Variants in EPHB3 observed in about 807,000 individuals in gnomAD.
EPHB3 encodes the protein ephrin type-B receptor 3.
EPHB3 carries 33 observed loss-of-function variants against 100.2 expected under a neutral mutation model. That is an observed-to-expected ratio of 0.33 (90% CI 0.25 to 0.44). The LOEUF (loss-of-function observed/expected upper bound fraction) is 0.44, where lower values mean the gene tolerates loss of function less well. EPHB3 is among the 20% of genes least tolerant of loss of function. The probability of loss-of-function intolerance (pLI) is 1.00; values close to 1 mark genes in which losing one functional copy is unlikely to be tolerated. For missense variants in EPHB3, 1,045 were observed against 1,378.3 expected (o/e 0.76, Z 3.83); for synonymous variants, 526 against 554.7 (o/e 0.95, Z 0.73).
Position 184,577,705 on chromosome 3 carries a change from G to C in EPHB3, c.1527G>C (p.Gln509His). The C allele has an allele frequency of 6.2e-7, 1 of 1,610,704 alleles. No individual in the cohort carries two copies. Among genetic ancestry groups the C allele is most frequent in the Non-Finnish European group, 8.5e-7 (1 of 1,177,946 alleles). Residue 509 changes from glutamine to histidine, a missense_variant, in exon 7 of 16, where the codon CAG becomes CAC. By Grantham distance (24) the Gln-to-His change is conservative. Around this residue, in one of 2 missense-constraint regions of EPHB3, gnomAD observed 985 missense variants for 1,331.1 expected, o/e 0.74. Coordinates refer to ENST00000330394, the MANE Select transcript of EPHB3 (RefSeq NM_004443.4). This position sits in a 1 kb window ranked among gnomAD's most constrained non-coding sequence, Gnocchi z 4.9. ...STVTSQMNSV[Q>H]LDGLRPDARY... ...TGACCAGCCAGATGAACTCCGTGCAGCTGGACGGGCTTCGGCCTGACGCCC... is the reference window on the plus strand; with the variant it reads ...TGACCAGCCAGATGAACTCCGTGCACCTGGACGGGCTTCGGCCTGACGCCC...
rs753327984 is a variant in EPHB3, at chr3:184,579,920, G to C, written c.2158G>C (p.Asp720His). The C allele has an allele frequency of 6.2e-7, 1 of 1,613,508 alleles. No homozygotes were observed. The highest frequency in any genetic ancestry group is 8.5e-7 in the Non-Finnish European group (1 of 1,179,860). The change falls in exon 11 of 16, where the codon GAC (aspartate) becomes CAC (histidine). Residue 720 changes from aspartate (D) to histidine (H), a missense_variant. Transcript: ENST00000330394. This position sits in a 1 kb window ranked among gnomAD's most constrained non-coding sequence, Gnocchi z 5.2. ...LTEFMENCAL[D>H]SFLRLNDGQF... ...TGAGTTCATGGAAAACTGCGCCCTG[G>C]ACTCCTTCCTCCGGGTAAGAGCCAG...
rs1288000192 is a variant in EPHB3, at chr3:184,563,991, T to G, written c.118+1638T>G. Among the ~76,000 whole-genome samples the G allele has an allele frequency of 6.6e-6, 1 of 152,158 alleles. No individual in the cohort carries two copies. The highest frequency in any genetic ancestry group is 1.5e-5 in the Non-Finnish European group (1 of 68,016). On this transcript the variant is annotated intron_variant, in intron 1 of 15. Coordinates refer to ENST00000330394, the MANE Select transcript of EPHB3 (RefSeq NM_004443.4). The surrounding 1 kb of genome is among the most constrained non-coding windows in gnomAD (Gnocchi z 4.1). Reference sequence around the variant, plus strand: ...ACAGGGGCTACCTGAGGAGGCTCACTTCTCCCTCCCCCCTTCCCTTCCTTT... The same window carrying G: ...ACAGGGGCTACCTGAGGAGGCTCACGTCTCCCTCCCCCCTTCCCTTCCTTT...
intron 1 of EPHB3, among the ~76,000 whole-genome samples, chr3:184,567,777 G>C (rs1714423728): frequency 6.6e-6 from 1 of 152,194 alleles, no homozygotes; most frequent in Non-Finnish European, 1.5e-5. Context: ...GGTGTGTAAG[G>C]AGAACATACT....
In EPHB3 at chr3:184,579,792, G is replaced by A. The variant is rs1389769224; in HGVS notation, c.2030G>A (p.Arg677Gln). 6.8e-6 allele frequency: 11 copies of A among 1,613,694 alleles called. No homozygotes were observed. The highest frequency in any genetic ancestry group is 1.7e-5 in the Admixed American group (1 of 59,968). ...GTGGGCTACACCGAGAGGCAGCGGC[G>A]GGACTTCCTAAGCGAGGCCTCCATC... ...LKVGYTERQR[R>Q]DFLSEASIMG... The change falls in exon 11 of 16, where the codon CGG becomes CAG. Residue 677 changes from arginine (R) to glutamine (Q), a missense_variant. Transcript: ENST00000330394. The surrounding 1 kb of genome is among the most constrained non-coding windows in gnomAD (Gnocchi z 5.2).
At position 184,572,443 on chromosome 3, in the gene EPHB3, C is replaced by T. The variant is rs1714563151; in HGVS notation, c.184-61C>T. 8.6e-6 allele frequency: 13 copies of T among 1,505,868 alleles called. No homozygotes were observed. The highest frequency in any genetic ancestry group is 5.5e-5 in the South Asian group (4 of 72,668). 93.3% of individuals were successfully genotyped at this position (1,505,868 alleles called of 1,614,324 possible). A position where few individuals can be genotyped will look rare whatever the true frequency, so the allele number is the denominator to read the frequency against. The stretch of plus-strand genomic sequence containing the variant: ...GAAGTAAATAGAGCAGATCTGGGCA[C>T]GAGGGAAGCACTTGGCAAATGCAGG... On this transcript the variant is annotated intron_variant, in intron 2 of 15. Coordinates refer to ENST00000330394, the MANE Select transcript of EPHB3 (RefSeq NM_004443.4). This position sits in a 1 kb window ranked among gnomAD's most constrained non-coding sequence, Gnocchi z 6.6.
Position 184,579,858 on chromosome 3 carries a change from G to T in EPHB3, c.2096G>T (p.Gly699Val). The stretch of plus-strand genomic sequence containing the variant: ...CACCCCAATATAATCCGGCTCGAGG[G>T]CGTGGTCACCAAAAGTCGGCCAGTT... ...FDHPNIIRLE[G>V]VVTKSRPVMI... Residue 699 changes from glycine (G) to valine (V), a missense_variant, in exon 11 of 16, where the codon GGC (glycine) becomes GTC (valine). Physicochemically the swap from Gly to Val is moderately radical, Grantham distance 109. This residue lies in a region of EPHB3 where 985 missense variants were observed against 1,331.1 expected (regional missense o/e 0.74). Coordinates refer to ENST00000330394, the MANE Select transcript of EPHB3 (RefSeq NM_004443.4). This position sits in a 1 kb window ranked among gnomAD's most constrained non-coding sequence, Gnocchi z 5.2. 1 of 1,613,828 alleles carries T rather than the reference G, an allele frequency of 6.2e-7. No individual in the cohort carries two copies. Among genetic ancestry groups the T allele is most frequent in the Non-Finnish European group, 8.5e-7 (1 of 1,179,990 alleles).
chr3:184,569,698 C>CG lies in EPHB3; in HGVS notation c.119-1614dup, dbSNP rs1471241311. On this transcript the variant is annotated intron_variant, in intron 1 of 15. Coordinates refer to ENST00000330394, the MANE Select transcript of EPHB3 (RefSeq NM_004443.4). The surrounding 1 kb of genome is among the most constrained non-coding windows in gnomAD (Gnocchi z 5.4). ...CCTGCAGCCCCTTTGCCTGACATGGCGGGGGGCTGGGGTCACAGCTGCCTT... is the reference window on the plus strand; with the variant it reads ...CCTGCAGCCCCTTTGCCTGACATGGCGGGGGGGCTGGGGTCACAGCTGCCTT... 1.3e-5 allele frequency among the ~76,000 whole-genome samples: 2 copies of CG among 152,230 alleles called. No homozygotes were observed. Among genetic ancestry groups the CG allele is most frequent in the South Asian group, 2.1e-4 (1 of 4,836 alleles).
rs67295730 is a variant in EPHB3, at chr3:184,573,716, C to CTTT, written c.856+556_856+558dup. ...CACTTACGTGACCTTGGGCAAGTTACTTTTTTTTTTTTTTTTTTGAGATGG... is the reference window on the plus strand; with the variant it reads ...CACTTACGTGACCTTGGGCAAGTTACTTTTTTTTTTTTTTTTTTTTTGAGATGG... On this transcript the variant is annotated intron_variant, in intron 3 of 15. Transcript: ENST00000330394. The surrounding 1 kb of genome is among the most constrained non-coding windows in gnomAD (Gnocchi z 4.5). Among the ~76,000 whole-genome samples the CTTT allele has an allele frequency of 7.2e-6, 1 of 138,576 alleles. No individual in the cohort carries two copies. 90.9% of individuals were successfully genotyped at this position (138,576 alleles called of 152,430 possible).
Position 184,578,259 on chromosome 3 carries a change from A to G in EPHB3, c.1749-155A>G. The G allele has an allele frequency of 8.8e-7, 1 of 1,137,570 alleles. No individual in the cohort carries two copies. The highest frequency in any genetic ancestry group is 1.3e-6 in the Non-Finnish European group (1 of 793,286). 70.5% of individuals were successfully genotyped at this position (1,137,570 alleles called of 1,614,324 possible). A position where few individuals can be genotyped will look rare whatever the true frequency, so the allele number is the denominator to read the frequency against. On this transcript the variant is annotated intron_variant, in intron 8 of 15. Coordinates refer to ENST00000330394, the MANE Select transcript of EPHB3 (RefSeq NM_004443.4). This position sits in a 1 kb window ranked among gnomAD's most constrained non-coding sequence, Gnocchi z 4.7. Reference sequence around the variant, plus strand: ...ACTGAGTCCACTGAACCCCTTGCTCAGACACCCAGAGACTGCTGTGACCAC... The same window carrying G: ...ACTGAGTCCACTGAACCCCTTGCTCGGACACCCAGAGACTGCTGTGACCAC...
chr3:184,564,652 AG>A (rs1054973734), intron 1 of EPHB3, among the ~76,000 whole-genome samples: 1 of 151,976 alleles, frequency 6.6e-6, no homozygotes, highest in African/African-American at 2.4e-5. Flanking sequence ...GAAAGATGAA[AG>A]GGAAGGTTGG....
rs1422211778 is a variant in EPHB3 at position 184,562,392 on chromosome 3, CT to C, written c.118+40del. On this transcript the variant is annotated intron_variant, in intron 1 of 15. Coordinates refer to ENST00000330394, the MANE Select transcript of EPHB3 (RefSeq NM_004443.4). The surrounding 1 kb of genome is among the most constrained non-coding windows in gnomAD (Gnocchi z 4.8). ...GGGGGCGCGCCCGGGAACAAGGTGC[CT>C]GGGGTCGCGGGGCTGCGGGCTAGCA... 8.3e-7 allele frequency: 1 copy of C among 1,199,490 alleles called. No individual in the cohort carries two copies. Among genetic ancestry groups the C allele is most frequent in the African/African-American group, 1.6e-5 (1 of 62,772 alleles). The allele number at this position is 1,199,490 out of a possible 1,614,324, so 74.3% of individuals were successfully genotyped here. A position where few individuals can be genotyped will look rare whatever the true frequency, so the allele number is the denominator to read the frequency against.
chr3:184,578,086 G>A lies in EPHB3; in HGVS notation c.1748+80G>A, dbSNP rs1414817768. On this transcript the variant is annotated intron_variant, in intron 8 of 15. Coordinates refer to ENST00000330394, the MANE Select transcript of EPHB3 (RefSeq NM_004443.4). The surrounding 1 kb of genome is among the most constrained non-coding windows in gnomAD (Gnocchi z 4.7). ...CCTAGAGCCCTCATGCCACAGAGAT[G>A]AGCCGCCACCACTTCCCTCAGACCC... The A allele has an allele frequency of 6.8e-7, 1 of 1,469,104 alleles. No individual in the cohort carries two copies. The highest frequency in any genetic ancestry group is 1.4e-5 in the African/African-American group (1 of 71,440). The allele number at this position is 1,469,104 out of a possible 1,614,324, so 91.0% of individuals were successfully genotyped here.
Position 184,571,177 on chromosome 3 carries a change from C to G in EPHB3, c.119-141C>G. The G allele has an allele frequency of 2.8e-6, 2 of 718,834 alleles. No individual in the cohort carries two copies. Among genetic ancestry groups the G allele is most frequent in the Non-Finnish European group, 4.9e-6 (2 of 410,126 alleles). 44.5% of individuals were successfully genotyped at this position (718,834 alleles called of 1,614,324 possible). On this transcript the variant is annotated intron_variant, in intron 1 of 15. Transcript: ENST00000330394. This position sits in a 1 kb window ranked among gnomAD's most constrained non-coding sequence, Gnocchi z 5.0. ...ACATGTTGGTCAGACTGATCTCAAA[C>G]TCCTGACCTCAAGTGATCCACCTGC...
In EPHB3 at chr3:184,577,267, G is replaced by T; in HGVS notation, c.1355-76G>T. On this transcript the variant is annotated intron_variant, in intron 5 of 15. Coordinates refer to ENST00000330394, the MANE Select transcript of EPHB3 (RefSeq NM_004443.4). The surrounding 1 kb of genome is among the most constrained non-coding windows in gnomAD (Gnocchi z 4.9). ...CAGGACCTGCTAAGGGACCACTGGG[G>T]GTCCCATGGGAAGTGGGTCTTTGGG... The T allele has an allele frequency of 6.3e-7, 1 of 1,586,348 alleles. No individual in the cohort carries two copies.
chr3:184,567,840 C>G (rs1253743540), intron 1 of EPHB3, among the ~76,000 whole-genome samples: 2 of 152,144 alleles, frequency 1.3e-5, no homozygotes, highest in Non-Finnish European at 2.9e-5. Flanking sequence ...AGGAAATCTG[C>G]ACATAGGTAG....
Position 184,565,908 on chromosome 3 carries a change from G to A in EPHB3, c.118+3555G>A, listed in dbSNP as rs553369588. 5.3e-5 allele frequency among the ~76,000 whole-genome samples: 8 copies of A among 152,336 alleles called. No homozygotes were observed. The East Asian group carries it at 9.6e-4, about 18-fold the overall frequency. Reference sequence around the variant, plus strand: ...AGCTGCCGTGGGCAAGGCCTCTGCCGCACGGCCTTCCACTAATTAAACAGC... The same window carrying A: ...AGCTGCCGTGGGCAAGGCCTCTGCCACACGGCCTTCCACTAATTAAACAGC... On this transcript the variant is annotated intron_variant, in intron 1 of 15. Coordinates refer to ENST00000330394, the MANE Select transcript of EPHB3 (RefSeq NM_004443.4). The surrounding 1 kb of genome is among the most constrained non-coding windows in gnomAD (Gnocchi z 4.8).
Position 184,577,826 on chromosome 3 carries a change from C to A in EPHB3, c.1639+9C>A, listed in dbSNP as rs1714716895. 6.2e-7 allele frequency: 1 copy of A among 1,603,986 alleles called. No homozygotes were observed. The highest frequency in any genetic ancestry group is 2.2e-5 in the East Asian group (1 of 44,662). On this transcript the variant is annotated intron_variant, in intron 7 of 15. Transcript: ENST00000330394. This position sits in a 1 kb window ranked among gnomAD's most constrained non-coding sequence, Gnocchi z 4.9. ...GACCACAAGTGAGAGAGGTTAGTAG[C>A]CCCCTGCGCCTGTCCCCATCGCGGC...
chr3:184,569,963 C>T lies in EPHB3; in HGVS notation c.119-1355C>T, dbSNP rs1714499644. The stretch of plus-strand genomic sequence containing the variant: ...GCACCTCTTTCCTTCCTTTCCTGAC[C>T]CAGGTCTAATCTGGGGGTCACACTG... On this transcript the variant is annotated intron_variant, in intron 1 of 15. Coordinates refer to ENST00000330394, the MANE Select transcript of EPHB3 (RefSeq NM_004443.4). This position sits in a 1 kb window ranked among gnomAD's most constrained non-coding sequence, Gnocchi z 5.4. Among the ~76,000 whole-genome samples the T allele has an allele frequency of 6.6e-6, 1 of 152,228 alleles. No individual in the cohort carries two copies. Among genetic ancestry groups the T allele is most frequent in the Admixed American group, 6.5e-5 (1 of 15,284 alleles).
At chr3:184,576,132 C>A in intron 4 of EPHB3, 147 bp downstream of exon 4, 2 of 1,168,916 alleles carry the variant, frequency 1.7e-6, no homozygotes, top group Non-Finnish European at 2.3e-6. Flanking sequence ...CTCAACATGG[C>A]ACAACTGGGA....
Sources: allele counts gnomAD v4.1 joint callset (sites outside exome capture counted in the v4.1 genomes callset), GRCh38; gene constraint gnomAD v4.1.1; regional missense constraint gnomAD v4.1.1; non-coding constraint Gnocchi (gnomAD v3.1); transcripts MANE v1.5; gene names NCBI Gene and HGNC (gene_info 2026-07-23, HGNC 2026-07-21).